TBL1XR1: variants seen among roughly 807,000 people sequenced by gnomAD.
The protein encoded by TBL1XR1 is TBL1X/Y related 1, also known as F-box-like/WD repeat-containing protein TBL1XR1.
TBL1XR1 carries 5 observed loss-of-function variants against 66.9 expected under a neutral mutation model. The ratio of observed to expected loss-of-function variants is 0.07; its 90% CI spans 0.04 to 0.16. The LOEUF is 0.16. Among genes scored for constraint, TBL1XR1 ranks in the 10% least tolerant of loss-of-function variants. TBL1XR1 has a pLI of 1.00. For synonymous variants in TBL1XR1, 210 were observed against 206.0 expected (o/e 1.02, Z -0.17); for missense variants, 238 against 623.2 (o/e 0.38, Z 6.58).
chr3:177,060,427 A>G (rs557624714), intron 3 of TBL1XR1, among the ~76,000 whole-genome samples: 5 of 152,342 alleles, frequency 3.3e-5, no homozygotes, highest in Admixed American at 2.0e-4. Context: ...TCGTTCAATT[A>G]TAAGATGCAA....
rs139213973 is a variant in TBL1XR1, at chr3:177,095,866, T to G, written c.-46+2600A>C. Among the ~76,000 whole-genome samples, 4 of 152,330 alleles carry G rather than the reference T, an allele frequency of 2.6e-5. No homozygotes were observed. In the East Asian group the frequency reaches 7.7e-4, roughly 29 times the overall value. On this transcript the variant is annotated intron_variant, in intron 2 of 15. Coordinates refer to ENST00000457928, the MANE Select transcript of TBL1XR1 (RefSeq NM_024665.7). ...AAAAGGATGTTATGAATCCCTCATA[T>G]TATTTTAACAAGAACAATGTTCAGT...
intron 1 of TBL1XR1, among the ~76,000 whole-genome samples, chr3:177,109,161 CAAGTT>C (rs1256358389): frequency 6.6e-6 from 1 of 151,946 alleles, no homozygotes; most frequent in Non-Finnish European, 1.5e-5. Flanking sequence ...TTTTTAAAAA[CAAGTT>C]AATATATAAA....
chr3:177,042,838 T>C (rs868806893), intron 10 of TBL1XR1, among the ~76,000 whole-genome samples: 2 of 152,134 alleles, frequency 1.3e-5, no homozygotes, highest in Admixed American at 6.5e-5. Context: ...TTAACCCATG[T>C]AGCCTCCATA....
At chr3:177,044,823 G>C (rs2108468117) in intron 10 of TBL1XR1, 1 of 152,248 alleles carries the variant, frequency 6.6e-6, no homozygotes, top group Non-Finnish European at 1.5e-5. Flanking sequence ...CTCCAACACA[G>C]AGTTGGTACT....
rs201907624 is a variant in TBL1XR1, at chr3:177,183,027, ACTT to A, written c.-122+14091_-122+14093del. Among the ~76,000 whole-genome samples, 535 of 152,232 alleles carry A rather than the reference ACTT, an allele frequency of 3.5e-3. 20 individuals carry two copies. Among genetic ancestry groups the A allele is most frequent in the Admixed American group, 0.033 (500 of 15,294 alleles). ...CAAAATTCCTTATCATTTGTATCTT[ACTT>A]CTTATGTATGCCTTACAAAATTGAG... is the stretch of plus-strand genomic sequence containing the variant. On this transcript the variant is annotated intron_variant, in intron 1 of 15. Coordinates refer to ENST00000457928, the MANE Select transcript of TBL1XR1 (RefSeq NM_024665.7).
intron 1 of TBL1XR1, among the ~76,000 whole-genome samples, chr3:177,113,304 A>G (rs1725888528): frequency 6.6e-6 from 1 of 152,188 alleles, no homozygotes; most frequent in African/African-American, 2.4e-5. Context: ...CCTGACAGCA[A>G]TCTGGGCAAG....
intron 14 of TBL1XR1, among the ~76,000 whole-genome samples, chr3:177,030,093 G>A (rs184399065): frequency 3.3e-5 from 5 of 151,054 alleles, no homozygotes; most frequent in East Asian, 2.0e-4. Flanking sequence ...GCTATGCACA[G>A]GTGTGTGTGT....
intron 1 of TBL1XR1, among the ~76,000 whole-genome samples, chr3:177,182,728 T>C (rs1354286888): frequency 1.3e-5 from 2 of 151,924 alleles, no homozygotes; most frequent in Non-Finnish European, 2.9e-5. Context: ...GTGGTCATCA[T>C]TGGCAAGGAT....
chr3:177,076,149 T>C (rs1720677584), intron 2 of TBL1XR1, among the ~76,000 whole-genome samples: 1 of 151,290 alleles, frequency 6.6e-6, no homozygotes, highest in Non-Finnish European at 1.5e-5. Flanking sequence ...AGCCTGGGGG[T>C]TCCCTTCAAC....
At chr3:177,145,044 C>T (rs9826506) in intron 1 of TBL1XR1, among the ~76,000 whole-genome samples, 10,558 of 152,250 alleles carry the variant, frequency 0.069, 410 homozygotes, top group Middle Eastern at 0.092. Flanking sequence ...AATGCACAGG[C>T]TGATTTTGTT....
intron 1 of TBL1XR1, among the ~76,000 whole-genome samples, chr3:177,175,587 T>C (rs1448693768): frequency 6.6e-6 from 1 of 152,186 alleles, no homozygotes; most frequent in Admixed American, 6.5e-5. Flanking sequence ...TTTTAAATTA[T>C]ATATGCAATC....
intron 2 of TBL1XR1, among the ~76,000 whole-genome samples, chr3:177,096,227 C>T (rs1461115314): frequency 6.6e-6 from 1 of 152,112 alleles, no homozygotes; most frequent in African/African-American, 2.4e-5. Flanking sequence ...TTTACTAGCA[C>T]ATCTGTGCAA....
At chr3:177,028,360 C>T (rs933912761) in intron 14 of TBL1XR1, among the ~76,000 whole-genome samples, 1 of 152,168 alleles carries the variant, frequency 6.6e-6, no homozygotes, top group Admixed American at 6.5e-5. Flanking sequence ...TGGTCAAATG[C>T]CCTTCAATGT....
chr3:177,112,107 A>ATATATATATATATTTTTTT, intron 1 of TBL1XR1, among the ~76,000 whole-genome samples: 2 of 37,664 alleles, frequency 5.3e-5, no homozygotes, highest in African/African-American at 1.3e-4. Flanking sequence ...ATATATATAT[A>ATATATATATATATTTTTTT]TTTTTTTTTT....
intron 1 of TBL1XR1, among the ~76,000 whole-genome samples, chr3:177,133,948 C>T (rs919560272): frequency 4.7e-5 from 7 of 150,506 alleles, no homozygotes; most frequent in Admixed American, 2.0e-4. Flanking sequence ...TTTAGTCTTC[C>T]GCTTTTGCTT....
chr3:177,050,442 T>A (rs1029166388), intron 6 of TBL1XR1, 36 bp downstream of exon 6: 2 of 1,607,504 alleles, frequency 1.2e-6, no homozygotes, highest in Admixed American at 1.7e-5. Context: ...AATAAGATAT[T>A]TTTAAGTCAT....
intron 1 of TBL1XR1, among the ~76,000 whole-genome samples, chr3:177,105,744 A>G (rs1724801805): frequency 1.3e-5 from 2 of 152,052 alleles, no homozygotes; most frequent in Admixed American, 6.6e-5. Flanking sequence ...TAGGATCTAC[A>G]TCACTTGCAT....
At position 177,049,252 on chromosome 3, in the gene TBL1XR1, C is replaced by T. The variant is rs372529931; in HGVS notation, c.702+745G>A. Among the ~76,000 whole-genome samples the T allele has an allele frequency of 6.2e-4, 95 of 152,190 alleles. 3 individuals are homozygous for T. In the South Asian group the frequency reaches 0.02, roughly 31 times the overall value. ...GTTAAACAGAAGAGAAAAGAACATT[C>T]ATTTGCTGAGCAAAGAACAACTATC... On this transcript the variant is annotated intron_variant, in intron 7 of 15. Coordinates refer to ENST00000457928, the MANE Select transcript of TBL1XR1 (RefSeq NM_024665.7).
In TBL1XR1 at chr3:177,107,794, T is replaced by G. The variant is rs1159002615; in HGVS notation, c.-121-9253A>C. ...TCTGTGCCCAGCACCCAAGTTACGA[T>G]AATAAAACACCAACTGAGATTATCT... On this transcript the variant is annotated intron_variant, in intron 1 of 15. Transcript: ENST00000457928. Among the ~76,000 whole-genome samples the G allele has an allele frequency of 6.6e-5, 10 of 152,290 alleles. No individual in the cohort carries two copies. In the East Asian group the frequency reaches 1.7e-3, roughly 26 times the overall value.
Sources: gnomAD v4.1 joint callset for allele counts (sites outside exome capture counted in the v4.1 genomes callset) on GRCh38, gnomAD v4.1.1 for gene constraint, MANE v1.5 for transcripts, NCBI Gene and HGNC (gene_info 2026-07-23, HGNC 2026-07-21) for gene names.